VPS13D: variants seen among roughly 807,000 people sequenced by gnomAD.
VPS13D encodes intermembrane lipid transfer protein VPS13D.
In VPS13D, 187 loss-of-function variants were observed where a neutral mutation model predicts 461.9. That is an observed-to-expected ratio of 0.40 (90% confidence interval 0.36 to 0.46). The LOEUF (loss-of-function observed/expected upper bound fraction) is 0.46, where lower values mean the gene tolerates loss of function less well. VPS13D is among the 20% of genes least tolerant of loss of function. The probability of loss-of-function intolerance (pLI) is 0.60; values close to 1 mark genes in which losing one functional copy is unlikely to be tolerated. For synonymous variants in VPS13D, 1,951 were observed against 1,986.3 expected, an observed-to-expected ratio of 0.98 and a Z score of 0.47; for missense variants, 4,711 against 5,364.9, an observed-to-expected ratio of 0.88 and a Z score of 3.81.
chr1:12,260,592 G>T, intron 10 of VPS13D, 101 bp from the exon 11 acceptor site: 1 of 933,738 alleles, frequency 1.1e-6, no homozygotes, highest in East Asian at 2.6e-5. Context: ...GACCAGAGAG[G>T]TTTCTGTGCT....
Position 12,262,016 on chromosome 1 carries a change from G to T in VPS13D, c.1530G>T (p.Leu510=), listed in dbSNP as rs1164504919. The change falls in exon 13 of 70, where the codon CTG becomes CTT. Residue 510 remains leucine (L), a synonymous_variant. Transcript: ENST00000620676. The stretch of plus-strand genomic sequence containing the variant: ...AGTTGCAGCGAGGTACAGTGACTCT[G>T]TTACACAAGGAGCAAGGAACTCCTC... ...NLQLQRGTVT[L]LHKEQGTPQM... is the part of the protein sequence containing the mutation. 6.2e-7 allele frequency: 1 copy of T among 1,614,130 alleles called. No homozygotes were observed. The highest frequency in any genetic ancestry group is 8.5e-7 in the Non-Finnish European group (1 of 1,180,022).
Position 12,308,482 on chromosome 1 carries a change from A to G in VPS13D, c.6491A>G (p.Asp2164Gly), listed in dbSNP as rs1557699536. 6.2e-7 allele frequency: 1 copy of G among 1,614,080 alleles called. No individual in the cohort carries two copies. The highest frequency in any genetic ancestry group is 8.5e-7 in the Non-Finnish European group (1 of 1,180,016). Residue 2164 changes from aspartate to glycine, a missense_variant, in exon 27 of 70, where the codon GAC becomes GGC. Coordinates refer to ENST00000620676, the MANE Select transcript of VPS13D (RefSeq NM_015378.4). ...GTTGTCGTGGATCTCCAGGACATGG[A>G]CATCTTTGCTGCAGAGAGACATCCG... Reference protein sequence around the residue: ...DCVVVDLQDMDIFAAERHPRE... With the variant: ...DCVVVDLQDMGIFAAERHPRE...
chr1:12,413,306 C>T (rs1041587674), intron 63 of VPS13D, among the ~76,000 whole-genome samples: 1 of 150,656 alleles, frequency 6.6e-6, no homozygotes, highest in Non-Finnish European at 1.5e-5. Context: ...AAGTGAGACC[C>T]TGTCTCTCCA....
rs1045971699 is a variant in VPS13D, at chr1:12,473,667, C to T, written c.12662+13271C>T. Among the ~76,000 whole-genome samples the T allele has an allele frequency of 6.6e-6, 1 of 152,098 alleles. No individual in the cohort carries two copies. Among genetic ancestry groups the T allele is most frequent in the Admixed American group, 6.5e-5 (1 of 15,274 alleles). Reference sequence around the variant, plus strand: ...AATGGTGTCAGTGTGAATATTCTCCCCTGAATGTTGGAATGTTGTGTGAAG... The same window carrying T: ...AATGGTGTCAGTGTGAATATTCTCCTCTGAATGTTGGAATGTTGTGTGAAG... On this transcript the variant is annotated intron_variant, in intron 67 of 69. Transcript: ENST00000620676. The surrounding 1 kb of genome is among the most constrained non-coding windows in gnomAD (Gnocchi z 4.2).
chr1:12,246,331 T>C (rs1383893208), intron 5 of VPS13D, among the ~76,000 whole-genome samples: 5 of 152,192 alleles, frequency 3.3e-5, no homozygotes, highest in Non-Finnish European at 7.3e-5. Flanking sequence ...CTGTAGGAGA[T>C]ACAGGTCGAG....
At position 12,277,192 on chromosome 1, in the gene VPS13D, A is replaced by G; in HGVS notation, c.3604A>G (p.Lys1202Glu). ...TGCAACTGCAAGTATAGGTGGCACC[A>G]AAGTTAATGTCTCAATGGGTAGCAC... ...KIATASIGGT[K>E]VNVSMGSTFD... Residue 1202 changes from lysine to glutamate, a missense_variant, in exon 19 of 70, where the codon AAA (lysine) becomes GAA (glutamate). Lys to Glu is a moderately conservative substitution (Grantham distance 56). Around this residue, in one of 3 missense-constraint regions of VPS13D, gnomAD observed 4,411 missense variants for 4,937.8 expected, o/e 0.89. Coordinates refer to ENST00000620676, the MANE Select transcript of VPS13D (RefSeq NM_015378.4). 1.2e-6 allele frequency: 2 copies of G among 1,614,252 alleles called. No individual in the cohort carries two copies. Among genetic ancestry groups the G allele is most frequent in the African/African-American group, 1.3e-5 (1 of 75,074 alleles).
At chr1:12,266,586 C>T (rs2101313145) in intron 13 of VPS13D, among the ~76,000 whole-genome samples, 1 of 152,334 alleles carries the variant, frequency 6.6e-6, no homozygotes, top group East Asian at 1.9e-4. Flanking sequence ...TGCTATTGCA[C>T]ACTCAGTACA....
chr1:12,320,404 G>T (rs1275317625), intron 32 of VPS13D, among the ~76,000 whole-genome samples: 1 of 152,182 alleles, frequency 6.6e-6, no homozygotes. Context: ...TTTGGTCGGG[G>T]TTCCTTTTGC....
Position 12,462,961 on chromosome 1 carries a change from C to T in VPS13D, c.12662+2565C>T, listed in dbSNP as rs982799597. On this transcript the variant is annotated intron_variant, in intron 67 of 69. Transcript: ENST00000620676. Reference sequence around the variant, plus strand: ...TACATTTCCATGTAGATGAGGCACTCGGGATATAGAAAAGTTGTGCAGCTT... The same window carrying T: ...TACATTTCCATGTAGATGAGGCACTTGGGATATAGAAAAGTTGTGCAGCTT... 5.3e-5 allele frequency among the ~76,000 whole-genome samples: 8 copies of T among 151,896 alleles called. No homozygotes were observed. The East Asian group carries it at 7.7e-4, about 15-fold the overall frequency.
intron 6 of VPS13D, among the ~76,000 whole-genome samples, chr1:12,252,323 C>T (rs934325967): frequency 7.9e-5 from 12 of 152,118 alleles, no homozygotes; most frequent in Non-Finnish European, 1.5e-4. Context: ...TGTATTCATC[C>T]ACATGTACCA....
At chr1:12,240,061 G>A (rs1194771876) in intron 2 of VPS13D, among the ~76,000 whole-genome samples, 1 of 152,082 alleles carries the variant, frequency 6.6e-6, no homozygotes, top group Non-Finnish European at 1.5e-5. Context: ...CTTAAACTAC[G>A]GCCATGCTGT....
At position 12,256,041 on chromosome 1, in the gene VPS13D, A is replaced by G. The variant is rs186189968; in HGVS notation, c.670-292A>G. Among the ~76,000 whole-genome samples, 18 of 152,246 alleles carry G rather than the reference A, an allele frequency of 1.2e-4. No individual in the cohort carries two copies. In the East Asian group the frequency reaches 3.3e-3, roughly 28 times the overall value. On this transcript the variant is annotated intron_variant, in intron 7 of 69. Transcript: ENST00000620676. ...ACCAACATGTAACTTGATCCTAAAA[A>G]CATTTGCTGTTGGCCAGGCACAGTG...
At chr1:12,312,231 A>T (rs1034932365) in intron 29 of VPS13D, among the ~76,000 whole-genome samples, 24 of 152,310 alleles carry the variant, frequency 1.6e-4, no homozygotes, top group African/African-American at 5.8e-4. Flanking sequence ...TGCTTGTTGT[A>T]GTCGCTTAGG....
At position 12,400,462 on chromosome 1, in the gene VPS13D, A is replaced by G. The variant is rs1644560259; in HGVS notation, c.11784+132A>G. On this transcript the variant is annotated intron_variant, in intron 61 of 69. Coordinates refer to ENST00000620676, the MANE Select transcript of VPS13D (RefSeq NM_015378.4). The stretch of plus-strand genomic sequence containing the variant: ...TCTGCAGGGTTAAACCACATGTGAC[A>G]TAATAGATTGTTTGGAGGAATTGAC... The G allele has an allele frequency of 7.2e-6, 8 of 1,110,584 alleles. No individual in the cohort carries two copies. The Admixed American group carries it at 1.2e-4, about 17-fold the overall frequency. 68.8% of individuals were successfully genotyped at this position (1,110,584 alleles called of 1,614,324 possible). A position where few individuals can be genotyped will look rare whatever the true frequency, so the allele number is the denominator to read the frequency against.
intron 16 of VPS13D, among the ~76,000 whole-genome samples, chr1:12,269,773 T>A (rs1641380765): frequency 6.6e-6 from 1 of 152,238 alleles, no homozygotes; most frequent in African/African-American, 2.4e-5. Context: ...GAATCTGTTT[T>A]AGTTTTTGGA....
chr1:12,372,960 T>C (rs1644142541), intron 54 of VPS13D, among the ~76,000 whole-genome samples: 1 of 152,038 alleles, frequency 6.6e-6, no homozygotes, highest in Non-Finnish European at 1.5e-5. Flanking sequence ...TTGGAGGAAG[T>C]TGATTGGAAC....
chr1:12,499,723 G>A, intron 68 of VPS13D: 1 of 985,410 alleles, frequency 1.0e-6, no homozygotes, highest in African/African-American at 1.7e-5. Flanking sequence ...AATGCTGAAG[G>A]AGGCACGTGA....
chr1:12,356,614 A>G, intron 49 of VPS13D, 90 bp downstream of exon 49: 2 of 1,501,436 alleles, frequency 1.3e-6, no homozygotes, highest in Non-Finnish European at 8.9e-7. Flanking sequence ...GTAAGTAGAA[A>G]TATACTGTAG....
Position 12,509,103 on chromosome 1 carries a change from T to C in VPS13D, c.*79T>C. 6.6e-7 allele frequency: 1 copy of C among 1,509,222 alleles called. No homozygotes were observed. Among genetic ancestry groups the C allele is most frequent in the Non-Finnish European group, 8.9e-7 (1 of 1,126,178 alleles). 93.5% of individuals were successfully genotyped at this position (1,509,222 alleles called of 1,614,324 possible). A position where few individuals can be genotyped will look rare whatever the true frequency, so the allele number is the denominator to read the frequency against. On this transcript the variant is annotated 3_prime_UTR_variant, in exon 70 of 70. Coordinates refer to ENST00000620676, the MANE Select transcript of VPS13D (RefSeq NM_015378.4). ...AAGAGGCCCAGCTCTCAGCTGACGA[T>C]GGAGGCAGAACCGGAGTCGGGTTTG...
Sources: allele counts gnomAD v4.1 joint callset (sites outside exome capture counted in the v4.1 genomes callset), GRCh38; gene constraint gnomAD v4.1.1; regional missense constraint gnomAD v4.1.1; non-coding constraint Gnocchi (gnomAD v3.1); transcripts MANE v1.5; gene names NCBI Gene and HGNC (gene_info 2026-07-23, HGNC 2026-07-21).